MED13L: variants seen among roughly 807,000 people sequenced by gnomAD.
The protein encoded by MED13L is mediator of RNA polymerase II transcription subunit 13-like.
MED13L carries 7 observed loss-of-function variants against 220.9 expected under a neutral mutation model. The ratio of observed to expected loss-of-function variants is 0.03; its 90% CI spans 0.02 to 0.06. The LOEUF (loss-of-function observed/expected upper bound fraction) is 0.06. Among genes scored for constraint, MED13L ranks in the 10% least tolerant of loss-of-function variants. MED13L has a pLI of 1.00. For missense variants in MED13L, 1,965 were observed against 2,760.5 expected, an observed-to-expected ratio of 0.71 and a Z score of 6.46; for synonymous variants, 1,011 against 1,015.2, an observed-to-expected ratio of 1.00 and a Z score of 0.08.
At chr12:116,033,182 T>C (rs1880962486) in intron 4 of MED13L, among the ~76,000 whole-genome samples, 1 of 152,164 alleles carries the variant, frequency 6.6e-6, no homozygotes, top group Non-Finnish European at 1.5e-5. Context: ...GCTTTACACT[T>C]GCCACCTTTT....
intron 2 of MED13L, among the ~76,000 whole-genome samples, chr12:116,161,328 CA>C (rs1255588116): frequency 1.3e-5 from 2 of 152,074 alleles, no homozygotes; most frequent in African/African-American, 4.8e-5. Context: ...CTGGAAGTGG[CA>C]AAGTCCTCAG....
At chr12:116,053,401 G>A (rs1212969352) in intron 4 of MED13L, among the ~76,000 whole-genome samples, 1 of 152,158 alleles carries the variant, frequency 6.6e-6, no homozygotes, top group African/African-American at 2.4e-5. Flanking sequence ...AGAATCAAGA[G>A]GCACTGTGGA....
chr12:116,274,225 G>A (rs756369892), intron 1 of MED13L, among the ~76,000 whole-genome samples: 1 of 152,006 alleles, frequency 6.6e-6, no homozygotes, highest in Non-Finnish European at 1.5e-5. Flanking sequence ...CAGAAAATAA[G>A]TAAAAGACTA....
At chr12:116,170,840 A>C (rs916631181) in intron 2 of MED13L, among the ~76,000 whole-genome samples, 1 of 152,084 alleles carries the variant, frequency 6.6e-6, no homozygotes, top group Non-Finnish European at 1.5e-5. Context: ...ACCTCAACTG[A>C]TCCACACGCC....
At chr12:116,023,159 G>A (rs1440142953) in intron 4 of MED13L, among the ~76,000 whole-genome samples, 1 of 152,036 alleles carries the variant, frequency 6.6e-6, no homozygotes, top group Admixed American at 6.6e-5. Flanking sequence ...AGCCAGGCAC[G>A]GTGGTGTGCA....
chr12:116,176,420 C>CATT (rs1378922209), intron 2 of MED13L, among the ~76,000 whole-genome samples: 2 of 151,504 alleles, frequency 1.3e-5, no homozygotes, highest in Non-Finnish European at 2.9e-5. Flanking sequence ...TCATCATCAT[C>CATT]AAAAAAGAAC....
intron 23 of MED13L, among the ~76,000 whole-genome samples, chr12:115,979,512 T>TA (rs1365403744): frequency 6.6e-6 from 1 of 151,946 alleles, no homozygotes; most frequent in Non-Finnish European, 1.5e-5. Context: ...AACACTGGAG[T>TA]GAATGTAGGT....
At chr12:116,257,397 G>A (rs1468051714) in intron 1 of MED13L, among the ~76,000 whole-genome samples, 2 of 152,174 alleles carry the variant, frequency 1.3e-5, no homozygotes, top group African/African-American at 4.8e-5. Flanking sequence ...CTTGAAGTAT[G>A]GCCAGAAGTG....
At chr12:116,235,033 C>T (rs1288650300) in intron 2 of MED13L, among the ~76,000 whole-genome samples, 2 of 152,072 alleles carry the variant, frequency 1.3e-5, no homozygotes, top group Non-Finnish European at 1.5e-5. Context: ...AAAATATCTC[C>T]ACTTTGTATG....
chr12:116,236,783 T>C, intron 2 of MED13L: 1 of 921,812 alleles, frequency 1.1e-6, no homozygotes, highest in Non-Finnish European at 1.3e-6. Context: ...AAAACTGTGG[T>C]AAATATATAA....
rs534310389 is a variant in MED13L at position 116,083,202 on chromosome 12, T to C, written c.479+13467A>G. 6.0e-5 allele frequency among the ~76,000 whole-genome samples: 9 copies of C among 151,074 alleles called. No homozygotes were observed. The South Asian group carries it at 1.9e-3, about 32-fold the overall frequency. ...TGGGTAGATCACTTGAGGCCAGGAG[T>C]TCGAGACCAGCCTGGCCATCTGGCG... On this transcript the variant is annotated intron_variant, in intron 4 of 30. Coordinates refer to ENST00000281928, the MANE Select transcript of MED13L (RefSeq NM_015335.5).
At chr12:116,248,539 A>G (rs1013966499) in intron 1 of MED13L, among the ~76,000 whole-genome samples, 7 of 152,228 alleles carry the variant, frequency 4.6e-5, no homozygotes, top group African/African-American at 1.4e-4. Flanking sequence ...CCATCCAACA[A>G]TAAGATTTCA....
chr12:116,019,488 A>G (rs767999592), intron 6 of MED13L, 76 bp from the exon 7 acceptor site: 146 of 1,514,196 alleles, frequency 9.6e-5, no homozygotes, highest in Non-Finnish European at 1.2e-4. Context: ...TATGATTCCA[A>G]TGGTGAAAAT....
chr12:116,203,213 T>C (rs984290323), intron 2 of MED13L, among the ~76,000 whole-genome samples: 2 of 152,174 alleles, frequency 1.3e-5, no homozygotes, highest in African/African-American at 4.8e-5. Flanking sequence ...CAGTTTTCTA[T>C]ATGAGGGTTC....
intron 7 of MED13L, among the ~76,000 whole-genome samples, chr12:116,016,121 A>C (rs549600352): frequency 6.6e-6 from 1 of 152,052 alleles, no homozygotes; most frequent in Non-Finnish European, 1.5e-5. Flanking sequence ...AATCACTTTC[A>C]CCTATTTGAC....
chr12:116,070,890 A>G (rs544725608), intron 4 of MED13L, among the ~76,000 whole-genome samples: 1 of 152,358 alleles, frequency 6.6e-6, no homozygotes, highest in East Asian at 1.9e-4. Flanking sequence ...AGTGAATCTT[A>G]CAAATAATTG....
intron 2 of MED13L, among the ~76,000 whole-genome samples, chr12:116,164,717 C>T (rs1879125382): frequency 1.3e-5 from 2 of 152,144 alleles, no homozygotes; most frequent in African/African-American, 4.8e-5. Context: ...AACTGCTAAC[C>T]GATGTCACAC....
chr12:116,070,561 G>A (rs1391201092), intron 4 of MED13L, among the ~76,000 whole-genome samples: 1 of 152,170 alleles, frequency 6.6e-6, no homozygotes, highest in Admixed American at 6.5e-5. Flanking sequence ...TAGCCTCAAA[G>A]TTCAGGCTCT....
At chr12:116,047,746 C>T (rs1881925240) in intron 4 of MED13L, among the ~76,000 whole-genome samples, 1 of 152,194 alleles carries the variant, frequency 6.6e-6, no homozygotes, top group South Asian at 2.1e-4. Flanking sequence ...ATCCTCCTGA[C>T]CAAATCCCAG....
Sources: allele counts gnomAD v4.1 joint callset (sites outside exome capture counted in the v4.1 genomes callset), GRCh38; gene constraint gnomAD v4.1.1; transcripts MANE v1.5; gene names NCBI Gene and HGNC (gene_info 2026-07-23, HGNC 2026-07-21).